The following MAGI3 variants were observed in gnomAD, a reference collection of about 807,000 sequenced individuals.
MAGI3 encodes membrane associated guanylate kinase, WW and PDZ domain containing 3.
In MAGI3, 43 loss-of-function variants were observed where a neutral mutation model predicts 121.8. That is an observed-to-expected ratio of 0.35 (90% CI 0.28 to 0.46). The LOEUF is 0.46. MAGI3 is among the 20% of genes least tolerant of loss of function. The pLI is 1.00. For synonymous variants in MAGI3, 553 were observed against 639.3 expected (o/e 0.86, Z 2.04); for missense variants, 1,547 against 1,797.3 (o/e 0.86, Z 2.52).
At position 113,503,219 on chromosome 1, in the gene MAGI3, T is replaced by TAA. The variant is rs869272201; in HGVS notation, c.317-46259_317-46258dup. Among the ~76,000 whole-genome samples the TAA allele has an allele frequency of 1.8e-3, 16 of 8,988 alleles. 1 individual carries two copies. The highest frequency in any genetic ancestry group is 1.9e-3 in the Non-Finnish European group (12 of 6,360). The allele number at this position is 8,988 out of a possible 152,430, so 5.9% of individuals were successfully genotyped here. On this transcript the variant is annotated intron_variant, in intron 1 of 20. Transcript: ENST00000307546. ...TGTACCCTAAAACTTAGAGTATAAT[T>TAA]AAAAAAAAAAAAAAAAAAAAAAAAA...
intron 1 of MAGI3, among the ~76,000 whole-genome samples, chr1:113,471,218 T>C (rs1262620965): frequency 6.6e-6 from 1 of 152,222 alleles, no homozygotes. Flanking sequence ...AGGGATCATG[T>C]GTTAGGGCAC....
intron 1 of MAGI3, among the ~76,000 whole-genome samples, chr1:113,466,186 A>G (rs1655273984): frequency 6.6e-6 from 1 of 152,050 alleles, no homozygotes; most frequent in Non-Finnish European, 1.5e-5. Flanking sequence ...ACCCTTTGTG[A>G]TGAGGATTTT....
intron 9 of MAGI3, among the ~76,000 whole-genome samples, chr1:113,628,117 T>G (rs1355583039): frequency 6.6e-6 from 1 of 152,146 alleles, no homozygotes; most frequent in Non-Finnish European, 1.5e-5. Flanking sequence ...TTCCTTCCTT[T>G]TAGTGAAGGT....
At chr1:113,531,662 T>G (rs1381960239) in intron 1 of MAGI3, among the ~76,000 whole-genome samples, 3 of 139,006 alleles carry the variant, frequency 2.2e-5, no homozygotes, top group Admixed American at 1.6e-4. Flanking sequence ...GCCATTTGTT[T>G]TGGTGGTAGT....
At position 113,437,864 on chromosome 1, in the gene MAGI3, C is replaced by CT. The variant is rs1557757106; in HGVS notation, c.316+46516dup. 1.9e-3 allele frequency among the ~76,000 whole-genome samples: 109 copies of CT among 55,958 alleles called. 2 individuals carry two copies. In the Middle Eastern group the frequency reaches 0.02, roughly 10 times the overall value. The allele number at this position is 55,958 out of a possible 152,430, so 36.7% of individuals were successfully genotyped here. ...CTTCTTCTTCTTCTTCTTCTTCTTC[C>CT]TCTTCTTCTTCTTCTCCTTCTCCTT... On this transcript the variant is annotated intron_variant, in intron 1 of 20. Transcript: ENST00000307546.
chr1:113,609,682 A>G (rs1240275503), intron 6 of MAGI3, among the ~76,000 whole-genome samples: 1 of 152,230 alleles, frequency 6.6e-6, no homozygotes. Flanking sequence ...CCACCATGAG[A>G]AAATAATTGT....
chr1:113,530,323 G>GA (rs35215967), intron 1 of MAGI3, among the ~76,000 whole-genome samples: 22,459 of 132,764 alleles, frequency 0.17, 1,960 homozygotes, highest in Non-Finnish European at 0.22. Context: ...TACCAGAAAG[G>GA]AAAAAAAAAA....
In MAGI3 at chr1:113,684,072, C is replaced by A; in HGVS notation, c.*58C>A. ...AATCTTTTCTTACAGCAGCATTTTT[C>A]CAGAAAAAGCCTTTTTTTTTTTTTC... On this transcript the variant is annotated 3_prime_UTR_variant, in exon 21 of 21. Coordinates refer to ENST00000307546, the MANE Select transcript of MAGI3 (RefSeq NM_001142782.2). 1 of 1,431,648 alleles carries A rather than the reference C, an allele frequency of 7.0e-7. No homozygotes were observed. The highest frequency in any genetic ancestry group is 9.2e-7 in the Non-Finnish European group (1 of 1,090,324). The allele number at this position is 1,431,648 out of a possible 1,614,324, so 88.7% of individuals were successfully genotyped here. A position where few individuals can be genotyped will look rare whatever the true frequency, so the allele number is the denominator to read the frequency against.
chr1:113,429,272 T>C (rs555087713), intron 1 of MAGI3, among the ~76,000 whole-genome samples: 1 of 152,372 alleles, frequency 6.6e-6, no homozygotes, highest in Non-Finnish European at 1.5e-5. Context: ...CAAAGTGATA[T>C]TGAGCTATTG....
At chr1:113,555,836 G>A (rs574736129) in intron 2 of MAGI3, among the ~76,000 whole-genome samples, 2 of 152,206 alleles carry the variant, frequency 1.3e-5, no homozygotes, top group South Asian at 4.1e-4. Context: ...CCAGGAGTTT[G>A]AGGCTATAGT....
At chr1:113,406,469 A>C (rs1054399405) in intron 1 of MAGI3, among the ~76,000 whole-genome samples, 1 of 151,832 alleles carries the variant, frequency 6.6e-6, no homozygotes, top group Admixed American at 6.6e-5. Context: ...AAAAAGGAAA[A>C]AAAAACTGGT....
At chr1:113,597,297 T>A (rs568501687) in intron 6 of MAGI3, among the ~76,000 whole-genome samples, 33 of 152,310 alleles carry the variant, frequency 2.2e-4, no homozygotes, top group African/African-American at 5.5e-4. Flanking sequence ...GGTTACTGGT[T>A]GCCTTGGGCT....
At chr1:113,466,565 T>A (rs1655297784) in intron 1 of MAGI3, among the ~76,000 whole-genome samples, 1 of 152,106 alleles carries the variant, frequency 6.6e-6, no homozygotes, top group Non-Finnish European at 1.5e-5. Flanking sequence ...TTGTTTGTCC[T>A]TAAATGGTTG....
chr1:113,642,659 T>A, intron 10 of MAGI3, 143 bp downstream of exon 10: 1 of 915,274 alleles, frequency 1.1e-6, no homozygotes, highest in Non-Finnish European at 1.6e-6. Context: ...TCTGTCTGAT[T>A]GTTTCCATAA....
chr1:113,676,866 A>G (rs528032763), intron 19 of MAGI3, among the ~76,000 whole-genome samples: 2 of 152,262 alleles, frequency 1.3e-5, no homozygotes, highest in African/African-American at 2.4e-5. Flanking sequence ...TTGAATATTC[A>G]TATCAGGTGC....
intron 1 of MAGI3, among the ~76,000 whole-genome samples, chr1:113,504,465 A>T (rs933078536): frequency 6.6e-6 from 1 of 152,090 alleles, no homozygotes; most frequent in African/African-American, 2.4e-5. Context: ...AGATGCTCAG[A>T]CTTATTAACT....
chr1:113,602,639 C>T (rs1230286597), intron 6 of MAGI3, among the ~76,000 whole-genome samples: 3 of 152,026 alleles, frequency 2.0e-5, no homozygotes, highest in East Asian at 1.9e-4. Flanking sequence ...TTAAAACAAA[C>T]AAAAACAGTA....
At chr1:113,497,141 C>T (rs1338544633) in intron 1 of MAGI3, among the ~76,000 whole-genome samples, 1 of 152,120 alleles carries the variant, frequency 6.6e-6, no homozygotes, top group Non-Finnish European at 1.5e-5. Context: ...CCTGTAAGTC[C>T]CAGCTACTTG....
Position 113,585,356 on chromosome 1 carries a change from G to C in MAGI3, c.554-31G>C, listed in dbSNP as rs747952448. The C allele has an allele frequency of 5.6e-6, 9 of 1,597,842 alleles. No individual in the cohort carries two copies. The South Asian group carries it at 7.7e-5, about 14-fold the overall frequency. On this transcript the variant is annotated intron_variant, in intron 3 of 20. Coordinates refer to ENST00000307546, the MANE Select transcript of MAGI3 (RefSeq NM_001142782.2). ...TGCTCTGACTCTCACTGCAACATTA[G>C]TAATTTCAGCTGCTATTTTATTCAC...
Sources: gnomAD v4.1 joint callset for allele counts (sites outside exome capture counted in the v4.1 genomes callset) on GRCh38, gnomAD v4.1.1 for gene constraint, MANE v1.5 for transcripts, NCBI Gene and HGNC (gene_info 2026-07-23, HGNC 2026-07-21) for gene names.